AGBL4: variants seen among roughly 807,000 people sequenced by gnomAD.
AGBL4 encodes the protein cytosolic carboxypeptidase 6.
AGBL4 carries 58 observed loss-of-function variants against 66.4 expected under a neutral mutation model. The ratio of observed to expected loss-of-function variants is 0.87; its 90% CI spans 0.71 to 1.09. AGBL4 has a LOEUF of 1.09. AGBL4 is among the 50% of genes least tolerant of loss of function. The probability of loss-of-function intolerance (pLI) is 0.00; values close to 1 mark genes in which losing one functional copy is unlikely to be tolerated. For missense variants in AGBL4, 579 were observed against 631.0 expected (o/e 0.92, Z 0.88); for synonymous variants, 234 against 222.9 (o/e 1.05, Z -0.44).
intron 3 of AGBL4, among the ~76,000 whole-genome samples, chr1:49,444,709 C>A (rs1434729222): frequency 6.6e-6 from 1 of 151,972 alleles, no homozygotes; most frequent in Non-Finnish European, 1.5e-5. Flanking sequence ...ATAGTTGGAT[C>A]AGGTTTTATA....
chr1:49,563,897 C>T (rs997178551), intron 3 of AGBL4, among the ~76,000 whole-genome samples: 1 of 152,110 alleles, frequency 6.6e-6, no homozygotes, highest in Non-Finnish European at 1.5e-5. Context: ...CCAGCTCCTC[C>T]TTGTACCTCT....
intron 3 of AGBL4, among the ~76,000 whole-genome samples, chr1:49,280,035 A>T (rs1644243849): frequency 6.6e-6 from 1 of 152,182 alleles, no homozygotes; most frequent in Non-Finnish European, 1.5e-5. Flanking sequence ...ACTATTGTAG[A>T]ACCTAAGATT....
chr1:48,709,589 T>TTATTA (rs1027900269), intron 6 of AGBL4, among the ~76,000 whole-genome samples: 1 of 146,758 alleles, frequency 6.8e-6, no homozygotes, highest in African/African-American at 2.5e-5. Flanking sequence ...CCAGGCATTA[T>TTATTA]TATTATTATT....
At chr1:49,126,474 C>G (rs1227808409) in intron 4 of AGBL4, among the ~76,000 whole-genome samples, 1 of 152,102 alleles carries the variant, frequency 6.6e-6, no homozygotes, top group Non-Finnish European at 1.5e-5. Context: ...AGGAATTAAA[C>G]TAAACTGGGG....
At position 48,612,443 on chromosome 1, in the gene AGBL4, C is replaced by T. The variant is rs574407249; in HGVS notation, c.952-21458G>A. ...GCAGAGAAGGCATCCTGAAGAAGTG[C>T]TGTCTACATGAATGGTTCAGAATCC... On this transcript the variant is annotated intron_variant, in intron 9 of 13. Coordinates refer to ENST00000371839, the MANE Select transcript of AGBL4 (RefSeq NM_032785.4). 3.9e-5 allele frequency among the ~76,000 whole-genome samples: 6 copies of T among 152,310 alleles called. No individual in the cohort carries two copies. The South Asian group carries it at 1.2e-3, about 32-fold the overall frequency.
chr1:49,836,623 C>T (rs932542159), intron 2 of AGBL4, among the ~76,000 whole-genome samples: 15 of 152,062 alleles, frequency 9.9e-5, no homozygotes, highest in South Asian at 2.1e-4. Flanking sequence ...CCCTTGCTGG[C>T]GAGGAGTTAT....
intron 4 of AGBL4, among the ~76,000 whole-genome samples, chr1:49,210,858 T>C (rs1261374837): frequency 6.6e-6 from 1 of 152,118 alleles, no homozygotes; most frequent in Non-Finnish European, 1.5e-5. Flanking sequence ...TACCCTTTCC[T>C]TTGCTCTAGC....
intron 3 of AGBL4, among the ~76,000 whole-genome samples, chr1:49,342,010 C>T (rs1364639796): frequency 6.6e-6 from 1 of 152,130 alleles, no homozygotes; most frequent in African/African-American, 2.4e-5. Context: ...GTCTGTGTTA[C>T]CTGAATAGTT....
chr1:49,551,166 T>C (rs1357405738), intron 3 of AGBL4, among the ~76,000 whole-genome samples: 1 of 152,232 alleles, frequency 6.6e-6, no homozygotes, highest in African/African-American at 2.4e-5. Context: ...TTTTAAGCTA[T>C]ATATTTTCTT....
chr1:49,058,848 A>C (rs1251752110), intron 4 of AGBL4, among the ~76,000 whole-genome samples: 1 of 152,210 alleles, frequency 6.6e-6, no homozygotes, highest in South Asian at 2.1e-4. Context: ...ATGCAAAGAG[A>C]CTGGTGGCAT....
chr1:49,253,361 TA>T (rs1456776296), intron 3 of AGBL4, among the ~76,000 whole-genome samples: 4 of 152,296 alleles, frequency 2.6e-5, no homozygotes, highest in Non-Finnish European at 5.9e-5. Flanking sequence ...CTAACTATCC[TA>T]AATATATATG....
At chr1:49,278,521 C>T (rs1373965472) in intron 3 of AGBL4, among the ~76,000 whole-genome samples, 1 of 152,180 alleles carries the variant, frequency 6.6e-6, no homozygotes, top group Non-Finnish European at 1.5e-5. Context: ...CAGGTACTGT[C>T]AGACCAGATG....
chr1:48,618,301 A>C (rs1294993623), intron 9 of AGBL4, among the ~76,000 whole-genome samples: 1 of 152,192 alleles, frequency 6.6e-6, no homozygotes, highest in Non-Finnish European at 1.5e-5. Flanking sequence ...AAAACTATAC[A>C]TCTCTGTGAC....
intron 1 of AGBL4, among the ~76,000 whole-genome samples, chr1:50,003,226 T>C (rs373059291): frequency 6.6e-6 from 1 of 152,252 alleles, no homozygotes; most frequent in South Asian, 2.1e-4. Context: ...GTATGTTTCA[T>C]TATTAAATTC....
intron 1 of AGBL4, among the ~76,000 whole-genome samples, chr1:49,915,393 G>A (rs1239954705): frequency 6.6e-6 from 1 of 152,158 alleles, no homozygotes; most frequent in East Asian, 1.9e-4. Flanking sequence ...CCCTAATACT[G>A]TGCTTTTCCA....
intron 6 of AGBL4, among the ~76,000 whole-genome samples, chr1:48,688,453 T>C (rs114748522): frequency 2.5e-3 from 374 of 152,338 alleles, no homozygotes; most frequent in African/African-American, 8.7e-3. Context: ...TTGCCTGTCT[T>C]TAAGGCTTAA....
intron 3 of AGBL4, among the ~76,000 whole-genome samples, chr1:49,509,225 T>G (rs1648973068): frequency 6.6e-6 from 1 of 151,618 alleles, no homozygotes; most frequent in South Asian, 2.1e-4. Flanking sequence ...AGATTCAAGG[T>G]GGAGAGGAAA....
intron 9 of AGBL4, among the ~76,000 whole-genome samples, chr1:48,614,666 T>C (rs976467002): frequency 3.9e-5 from 6 of 152,186 alleles, no homozygotes; most frequent in African/African-American, 1.4e-4. Context: ...CATCCAGCAG[T>C]CTTTTAGGTT....
intron 4 of AGBL4, among the ~76,000 whole-genome samples, chr1:49,104,599 C>A (rs1469674326): frequency 2.0e-5 from 3 of 152,088 alleles, no homozygotes. Context: ...TTAACCTTGG[C>A]AGATCTGGGA....
Sources: gnomAD v4.1 joint callset for allele counts (sites outside exome capture counted in the v4.1 genomes callset) on GRCh38, gnomAD v4.1.1 for gene constraint, MANE v1.5 for transcripts, NCBI Gene and HGNC (gene_info 2026-07-23, HGNC 2026-07-21) for gene names.